Variants in CPNE8 observed in about 807,000 individuals in gnomAD.
The protein encoded by CPNE8 is copine-8.
CPNE8 carries 45 observed loss-of-function variants against 81.5 expected under a neutral mutation model. That is an observed-to-expected ratio of 0.55 (90% CI 0.44 to 0.71). The LOEUF is 0.71. Among genes scored for constraint, CPNE8 ranks in the 30% least tolerant of loss-of-function variants. CPNE8 has a pLI of 0.00. For synonymous variants in CPNE8, 252 were observed against 226.3 expected, an observed-to-expected ratio of 1.11 and a Z score of -1.02; for missense variants, 594 against 672.1, an observed-to-expected ratio of 0.88 and a Z score of 1.28.
intron 7 of CPNE8, among the ~76,000 whole-genome samples, chr12:38,770,658 A>G (rs1941782441): frequency 1.3e-5 from 2 of 152,016 alleles, no homozygotes; most frequent in Admixed American, 6.5e-5. Flanking sequence ...TCCACCTTCA[A>G]CTGGCAATGT....
chr12:38,814,881 T>A (rs151233178), intron 6 of CPNE8, among the ~76,000 whole-genome samples: 1 of 152,158 alleles, frequency 6.6e-6, no homozygotes. Flanking sequence ...ATGGACCCCA[T>A]TGAAACAATT....
chr12:38,886,671 C>T (rs1404717119), intron 1 of CPNE8, among the ~76,000 whole-genome samples: 1 of 152,182 alleles, frequency 6.6e-6, no homozygotes, highest in African/African-American at 2.4e-5. Flanking sequence ...CCTCCAAGTT[C>T]CTTTTGCCTT....
chr12:38,652,489 C>T lies in CPNE8; in HGVS notation c.*1393G>A, dbSNP rs557743181. Reference sequence around the variant, plus strand: ...AAAATAGTTTCATGCTTATAAAAGTCACCCTAGGTCAACTTGGGACAAAGA... The same window carrying T: ...AAAATAGTTTCATGCTTATAAAAGTTACCCTAGGTCAACTTGGGACAAAGA... On this transcript the variant is annotated 3_prime_UTR_variant, in exon 20 of 20. Coordinates refer to ENST00000331366, the MANE Select transcript of CPNE8 (RefSeq NM_153634.3). 5 of 152,566 alleles carry T rather than the reference C, an allele frequency of 3.3e-5. No homozygotes were observed. Among genetic ancestry groups the T allele is most frequent in the African/African-American group, 1.2e-4 (5 of 41,522 alleles). The allele number at this position is 152,566 out of a possible 1,614,324, so 9.5% of individuals were successfully genotyped here.
chr12:38,753,382 G>A (rs1296152443), intron 10 of CPNE8, among the ~76,000 whole-genome samples: 1 of 152,194 alleles, frequency 6.6e-6, no homozygotes, highest in Non-Finnish European at 1.5e-5. Context: ...AATCTGGGAA[G>A]CAGAGGTTGC....
At chr12:38,784,902 G>C (rs887707707) in intron 6 of CPNE8, among the ~76,000 whole-genome samples, 1 of 152,054 alleles carries the variant, frequency 6.6e-6, no homozygotes, top group African/African-American at 2.4e-5. Flanking sequence ...AAATCAGAAA[G>C]AAAAGGACCT....
rs1254686705 is a variant in CPNE8, at chr12:38,704,805, C to A, written c.915-1884G>T. Among the ~76,000 whole-genome samples the A allele has an allele frequency of 6.6e-4, 53 of 79,832 alleles. 2 individuals carry two copies. In the Admixed American group the frequency reaches 7.0e-3, roughly 10 times the overall value. 52.4% of individuals were successfully genotyped at this position (79,832 alleles called of 152,430 possible). A position where few individuals can be genotyped will look rare whatever the true frequency, so the allele number is the denominator to read the frequency against. ...TGCTGAATTATTGTAAGCTGAGGAC[C>A]ATCTGTGTGTGTATGTATGTGTATA... is the stretch of plus-strand genomic sequence containing the variant. On this transcript the variant is annotated intron_variant, in intron 13 of 19. Coordinates refer to ENST00000331366, the MANE Select transcript of CPNE8 (RefSeq NM_153634.3).
chr12:38,768,263 A>T (rs556392962), intron 7 of CPNE8, among the ~76,000 whole-genome samples: 1 of 152,176 alleles, frequency 6.6e-6, no homozygotes, highest in African/African-American at 2.4e-5. Context: ...ATACAAGTGT[A>T]GTATAATGAA....
chr12:38,885,963 A>G (rs1944231899), intron 1 of CPNE8, among the ~76,000 whole-genome samples: 1 of 152,132 alleles, frequency 6.6e-6, no homozygotes, highest in African/African-American at 2.4e-5. Context: ...AGGCCTCCCC[A>G]GCTATGCTAC....
In CPNE8 at chr12:38,704,935, C is replaced by A. The variant is rs866427989; in HGVS notation, c.915-2014G>T. Among the ~76,000 whole-genome samples the A allele has an allele frequency of 2.8e-3, 197 of 70,906 alleles. 1 individual carries two copies. The highest frequency in any genetic ancestry group is 0.01 in the African/African-American group (187 of 18,456). 46.5% of individuals were successfully genotyped at this position (70,906 alleles called of 152,430 possible). A position where few individuals can be genotyped will look rare whatever the true frequency, so the allele number is the denominator to read the frequency against. ...AGTTTAGTTTTTTTTTTTTTTTTTG[C>A]TGATGGAAACTAATGAGGTAGTGGT... is the stretch of plus-strand genomic sequence containing the variant. On this transcript the variant is annotated intron_variant, in intron 13 of 19. Transcript: ENST00000331366.
At chr12:38,710,290 C>CAAAAAAAAAAAAA (rs1940222126) in intron 13 of CPNE8, among the ~76,000 whole-genome samples, 1 of 40,424 alleles carries the variant, frequency 2.5e-5, no homozygotes, top group East Asian at 6.8e-4. Flanking sequence ...AAAAAAAAAC[C>CAAAAAAAAAAAAA]AACCCCAAAC....
chr12:38,716,990 C>T (rs2136724865), intron 13 of CPNE8, among the ~76,000 whole-genome samples: 1 of 152,116 alleles, frequency 6.6e-6, no homozygotes, highest in Admixed American at 6.6e-5. Flanking sequence ...CATGAATACA[C>T]TGTTCTCAAA....
At chr12:38,884,064 T>C (rs1944203469) in intron 1 of CPNE8, among the ~76,000 whole-genome samples, 1 of 152,188 alleles carries the variant, frequency 6.6e-6, no homozygotes, top group African/African-American at 2.4e-5. Context: ...AAATTTGCCC[T>C]TTTAAAGTGT....
At chr12:38,666,495 G>T (rs1239803744) in intron 19 of CPNE8, among the ~76,000 whole-genome samples, 1 of 152,142 alleles carries the variant, frequency 6.6e-6, no homozygotes, top group African/African-American at 2.4e-5. Context: ...CAGGTGCGGC[G>T]AGTGAGGTCT....
rs981975032 is a variant in CPNE8, at chr12:38,652,269, A to G, written c.*1613T>C. The G allele has an allele frequency of 1.3e-5, 2 of 152,248 alleles. No homozygotes were observed. The highest frequency in any genetic ancestry group is 2.9e-5 in the Non-Finnish European group (2 of 68,010). The allele number at this position is 152,248 out of a possible 1,614,324, so 9.4% of individuals were successfully genotyped here. A position where few individuals can be genotyped will look rare whatever the true frequency, so the allele number is the denominator to read the frequency against. On this transcript the variant is annotated 3_prime_UTR_variant, in exon 20 of 20. Coordinates refer to ENST00000331366, the MANE Select transcript of CPNE8 (RefSeq NM_153634.3). ...AAGCTAAATTTAAAAATCTGTAGGT[A>G]ATACACTGTAGTGGCATAAATATTT...
intron 6 of CPNE8, among the ~76,000 whole-genome samples, chr12:38,810,705 A>T (rs1215365983): frequency 6.6e-6 from 1 of 152,178 alleles, no homozygotes; most frequent in Non-Finnish European, 1.5e-5. Flanking sequence ...TCAAAATTTC[A>T]GTAGGATCAG....
At chr12:38,860,581 C>T (rs1245503334) in intron 3 of CPNE8, among the ~76,000 whole-genome samples, 10 of 149,616 alleles carry the variant, frequency 6.7e-5, no homozygotes, top group Admixed American at 2.0e-4. Context: ...AAAAACTCAA[C>T]GATCTTGAAG....
intron 10 of CPNE8, among the ~76,000 whole-genome samples, chr12:38,733,222 A>T (rs1243336817): frequency 6.6e-6 from 1 of 151,926 alleles, no homozygotes; most frequent in Non-Finnish European, 1.5e-5. Context: ...TAATACATGG[A>T]TATTTTTATA....
At chr12:38,704,684 G>A (rs1217439912) in intron 13 of CPNE8, among the ~76,000 whole-genome samples, 2 of 151,570 alleles carry the variant, frequency 1.3e-5, no homozygotes, top group Admixed American at 1.3e-4. Flanking sequence ...GGCTGATTGG[G>A]AGCTGTGGCC....
At chr12:38,785,395 AC>A (rs1942160190) in intron 6 of CPNE8, among the ~76,000 whole-genome samples, 1 of 151,890 alleles carries the variant, frequency 6.6e-6, no homozygotes. Flanking sequence ...CTGTGTCCCC[AC>A]CCAAATCTCA....
Sources: gnomAD v4.1 joint callset for allele counts (sites outside exome capture counted in the v4.1 genomes callset) on GRCh38, gnomAD v4.1.1 for gene constraint, MANE v1.5 for transcripts, NCBI Gene and HGNC (gene_info 2026-07-23, HGNC 2026-07-21) for gene names.